Variants in C3orf49 observed in about 807,000 individuals in gnomAD.
C3orf49 encodes chromosome 3 open reading frame 49.
A neutral mutation model predicts 13.3 loss-of-function variants in C3orf49; 27 were observed. The ratio of observed to expected loss-of-function variants is 2.02; its 90% CI spans 1.49 to 2.79. The LOEUF (loss-of-function observed/expected upper bound fraction) is 2.79, where lower values mean the gene tolerates loss of function less well. Among genes scored for constraint, C3orf49 ranks in the 30% most tolerant of loss-of-function variants. The pLI, the probability that C3orf49 is intolerant of heterozygous loss-of-function variation, is 0.00. For synonymous variants in C3orf49, 87 were observed against 47.6 expected, an observed-to-expected ratio of 1.83 and a Z score of -3.40; for missense variants, 242 against 134.2, an observed-to-expected ratio of 1.80 and a Z score of -3.97.
chr3:63,835,136 G>A (rs750026360), intron 5 of C3orf49: 1 of 1,611,540 alleles, frequency 6.2e-7, no homozygotes. Flanking sequence ...CATTTACTTT[G>A]AGACTATTTC....
At chr3:63,842,696 G>C (rs911774178) in intron 5 of C3orf49, among the ~76,000 whole-genome samples, 2 of 152,114 alleles carry the variant, frequency 1.3e-5, no homozygotes, top group Non-Finnish European at 2.9e-5. Flanking sequence ...TGGAGATTAA[G>C]AAGATGGAGG....
chr3:63,786,255 T>G, the C3orf49 span, among the ~76,000 whole-genome samples: 1 of 152,132 alleles, frequency 6.6e-6, no homozygotes, highest in Non-Finnish European at 1.5e-5. Context: ...TAACTGATGA[T>G]GATGATGATG....
rs1701536286 is a variant in C3orf49, at chr3:63,831,843, A to G, written c.848A>G (p.Asn283Ser). Reference protein sequence around the residue: ...KRTMRKYKLKNMTTKGPGDS With the variant: ...KRTMRKYKLKSMTTKGPGDS ...ACCATGAGGAAGTATAAATTAAAAAATGTGTGTTTCCCATGTACCTGCTGC... is the reference window on the plus strand; with the variant it reads ...ACCATGAGGAAGTATAAATTAAAAAGTGTGTGTTTCCCATGTACCTGCTGC... Residue 283 changes from asparagine to serine, a missense_variant and splice_region_variant, in exon 5 of 7, where the codon AAT becomes AGT. By Grantham distance (46) the Asn-to-Ser change is conservative (BLOSUM62 1). Transcript: ENST00000295896. The G allele has an allele frequency of 1.4e-6, 1 of 698,824 alleles. No individual in the cohort carries two copies. Among genetic ancestry groups the G allele is most frequent in the African/African-American group, 1.8e-5 (1 of 56,952 alleles). 43.3% of individuals were successfully genotyped at this position (698,824 alleles called of 1,614,324 possible).
At chr3:63,821,718 T>C (rs1474629596) in intron 1 of C3orf49, among the ~76,000 whole-genome samples, 1 of 152,090 alleles carries the variant, frequency 6.6e-6, no homozygotes, top group Non-Finnish European at 1.5e-5. Context: ...TGATGTATAT[T>C]TCCATTTACA....
At chr3:63,800,215 T>C in the C3orf49 span, among the ~76,000 whole-genome samples, 147 of 152,334 alleles carry the variant, frequency 9.6e-4, no homozygotes, top group African/African-American at 3.3e-3. Context: ...TGTTATTCTC[T>C]GTCCCAAAGC....
chr3:63,837,858 GA>G, intron 5 of C3orf49: 1 of 805,062 alleles, frequency 1.2e-6, no homozygotes, highest in Non-Finnish European at 1.9e-6. Context: ...TTAAAATTTG[GA>G]TTTTTTTTAA....
At chr3:63,790,861 G>T in the C3orf49 span, among the ~76,000 whole-genome samples, 2 of 152,172 alleles carry the variant, frequency 1.3e-5, no homozygotes, top group African/African-American at 4.8e-5. Context: ...CAGAAAAACT[G>T]TGGAAGAGGG....
At chr3:63,807,545 C>G in the C3orf49 span, among the ~76,000 whole-genome samples, 1 of 151,982 alleles carries the variant, frequency 6.6e-6, no homozygotes, top group Non-Finnish European at 1.5e-5. Flanking sequence ...ATGAACTTCT[C>G]TTGGGTAAAA....
At chr3:63,808,902 A>G in the C3orf49 span, among the ~76,000 whole-genome samples, 1 of 152,138 alleles carries the variant, frequency 6.6e-6, no homozygotes, top group East Asian at 1.9e-4. Context: ...CAGTGCACAC[A>G]ATCCCAATTC....
In C3orf49 at chr3:63,838,632, A is replaced by G. The variant is rs1701685816; in HGVS notation, c.850-6391A>G. 5.8e-6 allele frequency: 5 copies of G among 861,838 alleles called. No homozygotes were observed. The South Asian group carries it at 1.0e-4, about 18-fold the overall frequency. 53.4% of individuals were successfully genotyped at this position (861,838 alleles called of 1,614,324 possible). On this transcript the variant is annotated intron_variant, in intron 5 of 6. Transcript: ENST00000295896. ...AGAATCATTTGCTTATTTAAAATTT[A>G]GAATATCTGTCCCTTAAGTTTTCTT...
At chr3:63,846,422 T>A (rs1701897547) in intron 6 of C3orf49, among the ~76,000 whole-genome samples, 1 of 152,128 alleles carries the variant, frequency 6.6e-6, no homozygotes. Context: ...TTTTTATTTT[T>A]TTTAGACGGA....
At chr3:63,815,974 C>T (rs1346077062), upstream of C3orf49, among the ~76,000 whole-genome samples, 6 of 151,294 alleles carry the variant, frequency 4.0e-5, no homozygotes, top group African/African-American at 1.2e-4. Context: ...TTAGTAGAGA[C>T]GGGGTTTCAC....
At chr3:63,810,411 T>G in the C3orf49 span, among the ~76,000 whole-genome samples, 1 of 152,214 alleles carries the variant, frequency 6.6e-6, no homozygotes, top group Non-Finnish European at 1.5e-5. Flanking sequence ...TGTCTGTCCA[T>G]AGTAGGCACT....
intron 5 of C3orf49, among the ~76,000 whole-genome samples, chr3:63,837,333 A>T (rs1204167386): frequency 9.6e-6 from 1 of 104,086 alleles, no homozygotes; most frequent in African/African-American, 2.6e-5. Context: ...GTGATTACAC[A>T]TTATATTTTT....
the C3orf49 span, chr3:63,782,304 A>G: frequency 1.3e-5 from 2 of 152,230 alleles, no homozygotes; most frequent in Admixed American, 1.3e-4. Flanking sequence ...GTGGATGTTT[A>G]CATCTTACTC....
the C3orf49 span, among the ~76,000 whole-genome samples, chr3:63,812,605 T>C: frequency 2.6e-5 from 4 of 152,232 alleles, no homozygotes; most frequent in African/African-American, 9.6e-5. Flanking sequence ...TTTGTTGTTG[T>C]GAATAATACA....
chr3:63,806,394 A>AG, the C3orf49 span, among the ~76,000 whole-genome samples: 1 of 152,190 alleles, frequency 6.6e-6, no homozygotes, highest in African/African-American at 2.4e-5. Flanking sequence ...CCCTTCCCTT[A>AG]GTGTTGGCTT....
At chr3:63,847,026 T>C (rs1378920166) in intron 6 of C3orf49, among the ~76,000 whole-genome samples, 1 of 152,064 alleles carries the variant, frequency 6.6e-6, no homozygotes, top group Non-Finnish European at 1.5e-5. Flanking sequence ...AAAAATTCAC[T>C]AGTAGGAGGG....
chr3:63,815,389 G>T (rs1237786715), upstream of C3orf49, among the ~76,000 whole-genome samples: 2 of 152,106 alleles, frequency 1.3e-5, no homozygotes, highest in Non-Finnish European at 2.9e-5. Flanking sequence ...TGGACCAAGT[G>T]CCTACCTAAT....
Sources: allele counts gnomAD v4.1 joint callset (sites outside exome capture counted in the v4.1 genomes callset), GRCh38; gene constraint gnomAD v4.1.1; transcripts MANE v1.5; gene names NCBI Gene and HGNC (gene_info 2026-07-23, HGNC 2026-07-21).